Variants in PAX5 observed in about 807,000 individuals in gnomAD.
PAX5 encodes paired box protein Pax-5.
Under a neutral mutation model 43.7 loss-of-function variants are expected in PAX5, and 9 were observed. The observed-to-expected ratio is 0.21, with a 90% CI of 0.12 to 0.36. PAX5 has a LOEUF of 0.36. Ranked by LOEUF, PAX5 falls within the 10% of genes least tolerant of loss-of-function variation. PAX5 has a pLI of 1.00. For synonymous variants in PAX5, 228 were observed against 214.3 expected (o/e 1.06, Z -0.56); for missense variants, 383 against 532.7 (o/e 0.72, Z 2.77).
In PAX5 at chr9:37,025,850, C is replaced by CT. The variant is rs1164388641; in HGVS notation, c.47-5050dup. On this transcript the variant is annotated intron_variant, in intron 1 of 9. Transcript: ENST00000358127. ...TTCTTTCTTTTTCGTTTCTTATCCT[C>CT]TTTTTTTAAAGGGGAGAAGCCATGA... 3.3e-5 allele frequency among the ~76,000 whole-genome samples: 5 copies of CT among 152,288 alleles called. No individual in the cohort carries two copies. The East Asian group carries it at 7.7e-4, about 24-fold the overall frequency.
At chr9:36,914,847 T>C (rs2131923976) in intron 7 of PAX5, among the ~76,000 whole-genome samples, 1 of 152,344 alleles carries the variant, frequency 6.6e-6, no homozygotes, top group South Asian at 2.1e-4. Context: ...CACACGCACA[T>C]GCATCTGTGT....
intron 2 of PAX5, among the ~76,000 whole-genome samples, chr9:37,017,826 G>A (rs981536294): frequency 2.0e-5 from 3 of 152,246 alleles, no homozygotes; most frequent in African/African-American, 7.2e-5. Context: ...ACATGGGCCA[G>A]GCACTTAGAA....
rs1031312119 is a variant in PAX5, at chr9:36,976,636, T to C, written c.605-9912A>G. Among the ~76,000 whole-genome samples the C allele has an allele frequency of 4.5e-5, 3 of 66,782 alleles. No individual in the cohort carries two copies. In the Admixed American group the frequency reaches 4.6e-4, roughly 10 times the overall value. The allele number at this position is 66,782 out of a possible 152,430, so 43.8% of individuals were successfully genotyped here. ...CAGACTAAGAAAAATCAAGGTGGCATGGAGGAAAATTTCCACTGAAACTAC... is the reference window on the plus strand; with the variant it reads ...CAGACTAAGAAAAATCAAGGTGGCACGGAGGAAAATTTCCACTGAAACTAC... On this transcript the variant is annotated intron_variant, in intron 5 of 9. Transcript: ENST00000358127.
At chr9:37,025,298 G>A (rs908074548) in intron 1 of PAX5, among the ~76,000 whole-genome samples, 4 of 152,318 alleles carry the variant, frequency 2.6e-5, no homozygotes, top group African/African-American at 7.2e-5. Flanking sequence ...AGGCCACTCA[G>A]CACTGCGTGG....
chr9:37,004,228 G>A (rs1182269241), intron 4 of PAX5, among the ~76,000 whole-genome samples: 3 of 152,214 alleles, frequency 2.0e-5, no homozygotes, highest in Non-Finnish European at 4.4e-5. Context: ...GGAGGTGGGG[G>A]GCAACTTTTG....
At chr9:36,910,327 C>T (rs926876114) in intron 7 of PAX5, among the ~76,000 whole-genome samples, 1 of 152,062 alleles carries the variant, frequency 6.6e-6, no homozygotes, top group Non-Finnish European at 1.5e-5. Flanking sequence ...CTTTACCTTG[C>T]TTTTTTCATA....
intron 7 of PAX5, among the ~76,000 whole-genome samples, chr9:36,908,633 C>T (rs772907194): frequency 2.4e-4 from 36 of 152,168 alleles, no homozygotes; most frequent in Non-Finnish European, 4.0e-4. Flanking sequence ...TTTTTCTCCT[C>T]CAGACAATGA....
chr9:36,976,058 T>C (rs935466137), intron 5 of PAX5, among the ~76,000 whole-genome samples: 3 of 152,196 alleles, frequency 2.0e-5, no homozygotes, highest in African/African-American at 7.2e-5. Context: ...GCTTCTATTA[T>C]ATCAGTGATC....
At chr9:37,028,183 C>T (rs77077520) in intron 1 of PAX5, among the ~76,000 whole-genome samples, 2,634 of 152,316 alleles carry the variant, frequency 0.017, 78 homozygotes, top group African/African-American at 0.059. Context: ...CCATCAGGCT[C>T]GTGATGGGAT....
At position 36,997,874 on chromosome 9, in the gene PAX5, G is replaced by C. The variant is rs549216335; in HGVS notation, c.604+4774C>G. The stretch of plus-strand genomic sequence containing the variant: ...GTGGCAGCCTCAGGGTCAGGCAGCA[G>C]AAGGGAAAGACAAGTGGGTAGATGC... On this transcript the variant is annotated intron_variant, in intron 5 of 9. Coordinates refer to ENST00000358127, the MANE Select transcript of PAX5 (RefSeq NM_016734.3). Among the ~76,000 whole-genome samples, 6 of 152,340 alleles carry C rather than the reference G, an allele frequency of 3.9e-5. No homozygotes were observed. In the East Asian group the frequency reaches 9.6e-4, roughly 24 times the overall value.
chr9:37,026,391 T>A (rs1840373819), intron 1 of PAX5: 4 of 677,318 alleles, frequency 5.9e-6, no homozygotes, highest in Non-Finnish European at 8.5e-6. Context: ...GTCCCCTGCC[T>A]GGGATCCCTG....
At chr9:36,964,606 A>AG (rs1336362571) in intron 6 of PAX5, among the ~76,000 whole-genome samples, 2 of 152,056 alleles carry the variant, frequency 1.3e-5, no homozygotes, top group African/African-American at 4.8e-5. Context: ...AAAAAAAAAA[A>AG]AAAAAGAAGA....
rs1037865871 is a variant in PAX5 at position 36,833,803 on chromosome 9, G to C, written c.*6757C>G. 1 of 231,484 alleles carries C rather than the reference G, an allele frequency of 4.3e-6. No individual in the cohort carries two copies. The highest frequency in any genetic ancestry group is 8.5e-6 in the Non-Finnish European group (1 of 117,770). The allele number at this position is 231,484 out of a possible 1,614,324, so 14.3% of individuals were successfully genotyped here. A position where few individuals can be genotyped will look rare whatever the true frequency, so the allele number is the denominator to read the frequency against. On this transcript the variant is annotated 3_prime_UTR_variant, in exon 10 of 10. Transcript: ENST00000358127. ...TTTTTTTTTCAATCCGTTGGAGACA[G>C]ATCATCTCCCACTTTCAAAGGCAAT...
chr9:36,933,295 C>G (rs1377041291), intron 6 of PAX5, among the ~76,000 whole-genome samples: 3 of 152,178 alleles, frequency 2.0e-5, no homozygotes, highest in Non-Finnish European at 4.4e-5. Flanking sequence ...CGCAAGAAGC[C>G]AAGGACAGCC....
intron 6 of PAX5, among the ~76,000 whole-genome samples, chr9:36,957,111 G>A (rs926693177): frequency 4.6e-5 from 7 of 152,194 alleles, no homozygotes; most frequent in Non-Finnish European, 7.3e-5. Flanking sequence ...AGCTGTGCTC[G>A]CTGGTGGGCG....
chr9:37,016,514 G>A (rs1839397249), intron 2 of PAX5, among the ~76,000 whole-genome samples: 1 of 152,142 alleles, frequency 6.6e-6, no homozygotes, highest in African/African-American at 2.4e-5. Flanking sequence ...GGGTTTTACA[G>A]TAAAACCAAG....
At chr9:36,986,215 CG>C (rs1456055505) in intron 5 of PAX5, among the ~76,000 whole-genome samples, 1 of 151,434 alleles carries the variant, frequency 6.6e-6, no homozygotes, top group Non-Finnish European at 1.5e-5. Flanking sequence ...TTGTTCTCAG[CG>C]GGGCCCCGGC....
At chr9:36,901,411 C>T (rs1008283061) in intron 7 of PAX5, among the ~76,000 whole-genome samples, 4 of 152,134 alleles carry the variant, frequency 2.6e-5, no homozygotes, top group Admixed American at 1.3e-4. Context: ...CCGTTGTGCA[C>T]CTGTGACATC....
intron 8 of PAX5, among the ~76,000 whole-genome samples, chr9:36,853,225 T>C (rs1048498896): frequency 2.2e-5 from 3 of 135,396 alleles, no homozygotes; most frequent in Admixed American, 7.8e-5. Context: ...ACTTGTTTAC[T>C]AGTTTTTTCT....
Sources: allele counts gnomAD v4.1 joint callset (sites outside exome capture counted in the v4.1 genomes callset), GRCh38; gene constraint gnomAD v4.1.1; transcripts MANE v1.5; gene names NCBI Gene and HGNC (gene_info 2026-07-23, HGNC 2026-07-21).